ATP2B4: variants seen among roughly 807,000 people sequenced by gnomAD.
The protein encoded by ATP2B4 is plasma membrane calcium-transporting ATPase 4.
In ATP2B4, 39 loss-of-function variants were observed where a neutral mutation model predicts 110.3. That is an observed-to-expected ratio of 0.35 (90% confidence interval 0.27 to 0.46). ATP2B4 has a LOEUF of 0.46. Ranked by LOEUF, ATP2B4 falls within the 20% of genes least tolerant of loss-of-function variation. The pLI is 1.00. For missense variants in ATP2B4, 1,135 were observed against 1,530.9 expected, an observed-to-expected ratio of 0.74 and a Z score of 4.32; for synonymous variants, 538 against 571.7, an observed-to-expected ratio of 0.94 and a Z score of 0.84.
chr1:203,725,875 A>G (rs927173925), intron 19 of ATP2B4, among the ~76,000 whole-genome samples: 4 of 146,648 alleles, frequency 2.7e-5, no homozygotes, highest in Non-Finnish European at 6.0e-5. Flanking sequence ...TGCCTCCCTG[A>G]ATAATTTCTT....
At chr1:203,699,864 G>T in intron 4 of ATP2B4, 147 bp downstream of exon 4, 1 of 1,368,302 alleles carries the variant, frequency 7.3e-7, no homozygotes, top group Non-Finnish European at 9.9e-7. Context: ...GTTTAAAGAG[G>T]TTGTGGGAAG....
chr1:203,684,416 A>C (rs7547793), intron 2 of ATP2B4, among the ~76,000 whole-genome samples: 124,987 of 149,666 alleles, frequency 0.84, 52,874 homozygotes, highest in East Asian at 1. Flanking sequence ...AGTGCAGTGG[A>C]ATGATCTTAG....
chr1:203,674,329 A>G (rs1393139954), intron 1 of ATP2B4, among the ~76,000 whole-genome samples: 1 of 152,084 alleles, frequency 6.6e-6, no homozygotes, highest in Non-Finnish European at 1.5e-5. Flanking sequence ...TTTGAGCTCT[A>G]GCTTGCTGTG....
intron 2 of ATP2B4, among the ~76,000 whole-genome samples, chr1:203,686,686 T>C (rs10677737): frequency 3.8e-5 from 1 of 26,654 alleles, no homozygotes; most frequent in African/African-American, 7.6e-5. Context: ...CTTTTCTTTC[T>C]TTTTTTTTTT....
At chr1:203,646,619 C>G (rs1040537357) in intron 1 of ATP2B4, among the ~76,000 whole-genome samples, 2 of 152,000 alleles carry the variant, frequency 1.3e-5, no homozygotes, top group African/African-American at 4.8e-5. Flanking sequence ...AAAAATTAGC[C>G]AGGCGTGGTG....
At chr1:203,655,751 A>G (rs1664141813) in intron 1 of ATP2B4, among the ~76,000 whole-genome samples, 1 of 152,146 alleles carries the variant, frequency 6.6e-6, no homozygotes, top group South Asian at 2.1e-4. Context: ...TAAAAAGTCA[A>G]TCAATGCAGC....
chr1:203,705,071 A>G (rs1187197796), intron 8 of ATP2B4, among the ~76,000 whole-genome samples: 1 of 152,208 alleles, frequency 6.6e-6, no homozygotes, highest in Non-Finnish European at 1.5e-5. Flanking sequence ...ATTTAAATTA[A>G]TTAAAAGTAA....
At chr1:203,677,848 C>G (rs926475014) in intron 1 of ATP2B4, among the ~76,000 whole-genome samples, 1 of 152,230 alleles carries the variant, frequency 6.6e-6, no homozygotes, top group Non-Finnish European at 1.5e-5. Flanking sequence ...CCCTTCCTCA[C>G]TCATCAAGTC....
chr1:203,627,575 C>G (rs1036209352), intron 1 of ATP2B4, among the ~76,000 whole-genome samples: 1 of 152,024 alleles, frequency 6.6e-6, no homozygotes, highest in African/African-American at 2.4e-5. Context: ...CCTGCCCTCC[C>G]CTTCCCCCCT....
At chr1:203,642,821 T>C (rs138787038) in intron 1 of ATP2B4, among the ~76,000 whole-genome samples, 110 of 152,296 alleles carry the variant, frequency 7.2e-4, no homozygotes, top group African/African-American at 2.5e-3. Context: ...ACAAATTATT[T>C]AGGCTCTCAG....
chr1:203,704,662 G>T (rs747418986), intron 8 of ATP2B4, among the ~76,000 whole-genome samples: 4 of 151,686 alleles, frequency 2.6e-5, no homozygotes, highest in Non-Finnish European at 5.9e-5. Context: ...TGTATTTTTA[G>T]TAGAGATGGG....
At chr1:203,706,386 G>A (rs1344404531) in intron 8 of ATP2B4, among the ~76,000 whole-genome samples, 4 of 152,208 alleles carry the variant, frequency 2.6e-5, no homozygotes, top group African/African-American at 7.2e-5. Flanking sequence ...GGGTTGTGAA[G>A]TGCTTGCCTG....
chr1:203,699,971 G>A (rs1891813), intron 4 of ATP2B4, among the ~76,000 whole-genome samples: 38,074 of 151,864 alleles, frequency 0.25, 5,586 homozygotes, highest in East Asian at 0.56. Context: ...TCAGGCCATG[G>A]AAAGGTGTTG....
intron 2 of ATP2B4, among the ~76,000 whole-genome samples, chr1:203,694,364 G>A (rs890151782): frequency 1.3e-5 from 2 of 152,206 alleles, no homozygotes; most frequent in African/African-American, 4.8e-5. Context: ...AGCAGGATGA[G>A]GGGGATCAAG....
At chr1:203,704,670 G>A (rs906727193) in intron 8 of ATP2B4, among the ~76,000 whole-genome samples, 1 of 151,596 alleles carries the variant, frequency 6.6e-6, no homozygotes. Flanking sequence ...TAGTAGAGAT[G>A]GGGTTTCACC....
chr1:203,627,914 G>T (rs567498808), intron 1 of ATP2B4, among the ~76,000 whole-genome samples: 5 of 152,206 alleles, frequency 3.3e-5, no homozygotes, highest in Admixed American at 3.3e-4. Context: ...TGTGGAAAAA[G>T]CTGGGAGTTA....
intron 1 of ATP2B4, among the ~76,000 whole-genome samples, chr1:203,660,738 G>C (rs1285371369): frequency 6.6e-6 from 1 of 151,548 alleles, no homozygotes; most frequent in East Asian, 1.9e-4. Context: ...GACGGAGGTT[G>C]CAGTGAGCCA....
At chr1:203,726,664 G>C (rs1242959799) in intron 19 of ATP2B4, among the ~76,000 whole-genome samples, 1 of 152,038 alleles carries the variant, frequency 6.6e-6, no homozygotes, top group Non-Finnish European at 1.5e-5. Context: ...TGCCCATACA[G>C]TCCCTCTTCC....
chr1:203,690,188 C>T (rs565410244), intron 2 of ATP2B4, among the ~76,000 whole-genome samples: 3 of 152,224 alleles, frequency 2.0e-5, no homozygotes, highest in South Asian at 2.1e-4. Context: ...ACTGTGTTCC[C>T]GTCACTGTGC....
Sources: gnomAD v4.1 joint callset for allele counts (sites outside exome capture counted in the v4.1 genomes callset) on GRCh38, gnomAD v4.1.1 for gene constraint, MANE v1.5 for transcripts, NCBI Gene and HGNC (gene_info 2026-07-23, HGNC 2026-07-21) for gene names.